Variants in FAM151B observed in about 807,000 individuals in gnomAD.
FAM151B encodes protein FAM151B.
Under a neutral mutation model 31.2 loss-of-function variants are expected in FAM151B, and 24 were observed. That is an observed-to-expected ratio of 0.77 (90% CI 0.56 to 1.08). The LOEUF is 1.08. FAM151B is among the 50% of genes least tolerant of loss of function. FAM151B has a pLI of 0.00. For missense variants in FAM151B, 293 were observed against 328.6 expected, an observed-to-expected ratio of 0.89 and a Z score of 0.84; for synonymous variants, 105 against 111.4, an observed-to-expected ratio of 0.94 and a Z score of 0.36.
At chr5:80,506,814 G>A (rs142968112) in intron 2 of FAM151B, among the ~76,000 whole-genome samples, 1 of 152,122 alleles carries the variant, frequency 6.6e-6, no homozygotes, top group African/African-American at 2.4e-5. Context: ...GAGGTTGAGA[G>A]ATTGTTTTGA....
chr5:80,537,761 G>A (rs923297415), intron 5 of FAM151B, among the ~76,000 whole-genome samples: 3 of 152,056 alleles, frequency 2.0e-5, no homozygotes, highest in Non-Finnish European at 2.9e-5. Context: ...AAGGAGAATG[G>A]ATATTGGAGT....
intron 5 of FAM151B, among the ~76,000 whole-genome samples, chr5:80,538,420 C>CTTT (rs1443301835): frequency 5.4e-5 from 3 of 55,216 alleles, no homozygotes; most frequent in East Asian, 5.1e-4. Flanking sequence ...TTCTTTCTTT[C>CTTT]TTTCTTTCTT....
intron 2 of FAM151B, among the ~76,000 whole-genome samples, 179 bp from the exon 3 acceptor site, chr5:80,513,425 A>G (rs1744273276): frequency 6.6e-6 from 1 of 152,172 alleles, no homozygotes; most frequent in Non-Finnish European, 1.5e-5. Flanking sequence ...TTGCTAATCT[A>G]AAAAATAGGG....
intron 2 of FAM151B, among the ~76,000 whole-genome samples, chr5:80,502,912 T>C: frequency 6.6e-6 from 1 of 152,206 alleles, no homozygotes; most frequent in African/African-American, 2.4e-5. Flanking sequence ...ACAGTGATTA[T>C]TTAGTAAATG....
chr5:80,520,799 G>A (rs1299598116), intron 4 of FAM151B, among the ~76,000 whole-genome samples: 3 of 143,418 alleles, frequency 2.1e-5, no homozygotes, highest in Non-Finnish European at 4.5e-5. Flanking sequence ...ACAAGCAAGT[G>A]TGTTTTCCAT....
At position 80,521,682 on chromosome 5, in the gene FAM151B, T is replaced by G. The variant is rs533382477; in HGVS notation, c.536-321T>G. ...GCAGGTGTACCTAAAAGAAGAGCCTTAAAATATTTAAAGTAAATAAAATCT... is the reference window on the plus strand; with the variant it reads ...GCAGGTGTACCTAAAAGAAGAGCCTGAAAATATTTAAAGTAAATAAAATCT... On this transcript the variant is annotated intron_variant, in intron 4 of 5. Coordinates refer to ENST00000282226, the MANE Select transcript of FAM151B (RefSeq NM_205548.3). 3.3e-5 allele frequency among the ~76,000 whole-genome samples: 5 copies of G among 152,274 alleles called. No homozygotes were observed. The East Asian group carries it at 7.7e-4, about 24-fold the overall frequency.
At chr5:80,508,698 A>C (rs537339777) in intron 2 of FAM151B, among the ~76,000 whole-genome samples, 11 of 152,314 alleles carry the variant, frequency 7.2e-5, no homozygotes, top group Admixed American at 5.2e-4. Flanking sequence ...CCTTAAAAAT[A>C]TAGTGGGCTT....
chr5:80,490,019 TACACACACACACACACAC>T (rs71601587), intron 1 of FAM151B, among the ~76,000 whole-genome samples: 1 of 144,596 alleles, frequency 6.9e-6, no homozygotes, highest in Non-Finnish European at 1.5e-5. Context: ...TTTTCCCCCT[TACACACACACACACACAC>T]ACACACACAC....
chr5:80,492,028 A>G (rs1484346596), intron 1 of FAM151B, among the ~76,000 whole-genome samples: 3 of 152,206 alleles, frequency 2.0e-5, no homozygotes, highest in Non-Finnish European at 2.9e-5. Context: ...CGCACAGGGA[A>G]GGAGGTTGGG....
intron 1 of FAM151B, chr5:80,500,569 C>A: frequency 2.6e-6 from 2 of 756,010 alleles, no homozygotes; most frequent in Non-Finnish European, 4.8e-6. Context: ...AAGCTGGCAA[C>A]TTCTGTGTAC....
At chr5:80,488,212 AC>A in intron 1 of FAM151B, 64 bp downstream of exon 1, 1 of 1,505,536 alleles carries the variant, frequency 6.6e-7, no homozygotes. Context: ...CGCCGGCCGT[AC>A]CCTCCCTTTG....
Position 80,522,032 on chromosome 5 carries a change from G to C in FAM151B, c.565G>C (p.Glu189Gln). ...GYSWTMVKEM[E>Q]YICNELSQPV... ...CAGTTGGACAATGGTGAAAGAGATGGAATATATATGTAATGAACTAAGTCA... is the reference window on the plus strand; with the variant it reads ...CAGTTGGACAATGGTGAAAGAGATGCAATATATATGTAATGAACTAAGTCA... Residue 189 changes from glutamate (E) to glutamine (Q), a missense_variant, in exon 5 of 6, where the codon GAA (glutamate) becomes CAA (glutamine). Coordinates refer to ENST00000282226, the MANE Select transcript of FAM151B (RefSeq NM_205548.3). 6.2e-7 allele frequency: 1 copy of C among 1,604,880 alleles called. No individual in the cohort carries two copies. The highest frequency in any genetic ancestry group is 1.1e-5 in the South Asian group (1 of 89,902).
chr5:80,537,927 A>T (rs1269203047), intron 5 of FAM151B, among the ~76,000 whole-genome samples: 1 of 152,076 alleles, frequency 6.6e-6, no homozygotes, highest in Non-Finnish European at 1.5e-5. Flanking sequence ...ATAAAGACTT[A>T]CACTGTGAAA....
At chr5:80,517,530 CT>C (rs1744509701) in intron 3 of FAM151B, among the ~76,000 whole-genome samples, 13 of 151,772 alleles carry the variant, frequency 8.6e-5, no homozygotes, top group Admixed American at 8.5e-4. Context: ...GTTTTTGGTT[CT>C]TTAGTGAGGT....
intron 5 of FAM151B, among the ~76,000 whole-genome samples, chr5:80,540,570 A>T (rs925611292): frequency 1.3e-5 from 2 of 152,184 alleles, no homozygotes; most frequent in Admixed American, 1.3e-4. Context: ...AGTGAATATT[A>T]AAAAAGGCAA....
intron 1 of FAM151B, among the ~76,000 whole-genome samples, chr5:80,493,488 G>C (rs989674204): frequency 6.6e-6 from 1 of 152,142 alleles, no homozygotes; most frequent in Admixed American, 6.5e-5. Flanking sequence ...GGGCAGAATC[G>C]AGCCATATTT....
chr5:80,489,578 A>G (rs867367462), intron 1 of FAM151B, among the ~76,000 whole-genome samples: 1 of 152,240 alleles, frequency 6.6e-6, no homozygotes, highest in Non-Finnish European at 1.5e-5. Context: ...TTGGAATAAA[A>G]TGTGTGCACA....
Position 80,517,031 on chromosome 5 carries a change from A to G in FAM151B, c.318-2662A>G, listed in dbSNP as rs567007586. Among the ~76,000 whole-genome samples the G allele has an allele frequency of 3.9e-5, 6 of 152,264 alleles. No homozygotes were observed. In the South Asian group the frequency reaches 1.2e-3, roughly 32 times the overall value. ...TGTGACTCATCCCTTCCCTTCGTCC[A>G]GCGTATCCACACCATATATGCTGCC... On this transcript the variant is annotated intron_variant, in intron 3 of 5. Coordinates refer to ENST00000282226, the MANE Select transcript of FAM151B (RefSeq NM_205548.3).
intron 2 of FAM151B, among the ~76,000 whole-genome samples, chr5:80,510,012 ACCAGGTCACAAAG>A (rs1744119669): frequency 6.6e-6 from 1 of 152,274 alleles, no homozygotes; most frequent in African/African-American, 2.4e-5. Context: ...CTTAGCCTCC[ACCAGGTCACAAAG>A]CCAATGCCAC....
Sources: allele counts gnomAD v4.1 joint callset (sites outside exome capture counted in the v4.1 genomes callset), GRCh38; gene constraint gnomAD v4.1.1; transcripts MANE v1.5; gene names NCBI Gene and HGNC (gene_info 2026-07-23, HGNC 2026-07-21).